HIVEP3: variants seen among roughly 807,000 people sequenced by gnomAD.
HIVEP3 encodes the protein HIVEP zinc finger 3.
A neutral mutation model predicts 152.8 loss-of-function variants in HIVEP3; 49 were observed. The ratio of observed to expected loss-of-function variants is 0.32; its 90% confidence interval spans 0.26 to 0.41. The LOEUF is 0.41. Among genes scored for constraint, HIVEP3 ranks in the 10% least tolerant of loss-of-function variants. The probability of loss-of-function intolerance (pLI) is 1.00; values close to 1 mark genes in which losing one functional copy is unlikely to be tolerated. For missense variants in HIVEP3, 2,790 were observed against 3,103.3 expected, an observed-to-expected ratio of 0.90 and a Z score of 2.40; for synonymous variants, 1,269 against 1,289.0, an observed-to-expected ratio of 0.98 and a Z score of 0.33.
intron 3 of HIVEP3, among the ~76,000 whole-genome samples, chr1:41,616,352 T>C (rs763850741): frequency 3.9e-5 from 6 of 152,156 alleles, no homozygotes; most frequent in Non-Finnish European, 7.4e-5. Context: ...AAAGGACGTG[T>C]CTTGGCATGT....
At chr1:41,783,526 A>G (rs1367046282) in intron 1 of HIVEP3, among the ~76,000 whole-genome samples, 1 of 152,092 alleles carries the variant, frequency 6.6e-6, no homozygotes, top group African/African-American at 2.4e-5. Flanking sequence ...GGGTGATGGG[A>G]GGGATGCGGG....
intron 2 of HIVEP3, among the ~76,000 whole-genome samples, chr1:41,639,716 C>T (rs1040124272): frequency 3.3e-5 from 5 of 152,170 alleles, no homozygotes; most frequent in Admixed American, 2.0e-4. Flanking sequence ...CAGCGGAGTG[C>T]GCTCTAGTCT....
At chr1:41,922,972 G>T (rs1414543490), upstream of HIVEP3, among the ~76,000 whole-genome samples, 1 of 151,966 alleles carries the variant, frequency 6.6e-6, no homozygotes, top group Non-Finnish European at 1.5e-5. Flanking sequence ...TGAAATAGAT[G>T]ATGACAAAAC....
chr1:41,521,806 C>T (rs371663602), intron 6 of HIVEP3, among the ~76,000 whole-genome samples: 12 of 152,258 alleles, frequency 7.9e-5, no homozygotes, highest in African/African-American at 2.9e-4. Context: ...GTCCCTGCCC[C>T]TGCCGCTGGC....
At chr1:41,751,077 G>A (rs1380627781) in intron 1 of HIVEP3, among the ~76,000 whole-genome samples, 6 of 152,108 alleles carry the variant, frequency 3.9e-5, no homozygotes, top group South Asian at 4.1e-4. Flanking sequence ...TGTTAAACCC[G>A]AAGTTCATGT....
chr1:41,620,798 A>C (rs1645036491), intron 3 of HIVEP3, among the ~76,000 whole-genome samples: 1 of 151,272 alleles, frequency 6.6e-6, no homozygotes, highest in African/African-American at 2.4e-5. Context: ...CTCACCCTCC[A>C]CTCCTACCCT....
At chr1:41,523,089 G>A (rs962087654) in intron 6 of HIVEP3, among the ~76,000 whole-genome samples, 1 of 152,260 alleles carries the variant, frequency 6.6e-6, no homozygotes, top group Non-Finnish European at 1.5e-5. Context: ...GGACTTGGGT[G>A]ATAAGTTTTC....
At chr1:41,666,734 C>T (rs1641505634) in intron 2 of HIVEP3, among the ~76,000 whole-genome samples, 4 of 152,170 alleles carry the variant, frequency 2.6e-5, no homozygotes, top group African/African-American at 4.8e-5. Flanking sequence ...CCGTGCCCAG[C>T]TTACCCCTGC....
At chr1:41,915,988 G>A (rs1644865214) in intron 1 of HIVEP3, among the ~76,000 whole-genome samples, 1 of 152,160 alleles carries the variant, frequency 6.6e-6, no homozygotes, top group Non-Finnish European at 1.5e-5. Flanking sequence ...GCAAAAAAGA[G>A]CCTTAAAGAC....
chr1:41,598,054 T>A (rs539442188), intron 3 of HIVEP3, among the ~76,000 whole-genome samples: 1 of 152,248 alleles, frequency 6.6e-6, no homozygotes, highest in Non-Finnish European at 1.5e-5. Context: ...TGGGCATCTA[T>A]GAACTTAACT....
intron 2 of HIVEP3, among the ~76,000 whole-genome samples, chr1:41,633,514 T>C (rs1645226613): frequency 6.6e-6 from 1 of 152,112 alleles, no homozygotes; most frequent in African/African-American, 2.4e-5. Flanking sequence ...GAGCAGAAAG[T>C]ACCTCCCCAC....
intron 5 of HIVEP3, 61 bp from the exon 6 acceptor site, chr1:41,524,971 C>A: frequency 1.4e-6 from 2 of 1,473,824 alleles, no homozygotes; most frequent in South Asian, 2.4e-5. Flanking sequence ...GTTCCCACCT[C>A]AGAAGACGCA....
chr1:41,711,520 G>A (rs546608294), intron 1 of HIVEP3, among the ~76,000 whole-genome samples: 2 of 152,346 alleles, frequency 1.3e-5, no homozygotes, highest in East Asian at 3.9e-4. Flanking sequence ...GCAAGTTTGA[G>A]GAAGTTCCAT....
At chr1:41,754,186 C>T (rs139211076) in intron 1 of HIVEP3, among the ~76,000 whole-genome samples, 61 of 152,302 alleles carry the variant, frequency 4.0e-4, no homozygotes, top group African/African-American at 1.4e-3. Flanking sequence ...TGGGACCTGG[C>T]CATCAGGGTC....
intron 1 of HIVEP3, among the ~76,000 whole-genome samples, chr1:41,731,216 G>C (rs1646834100): frequency 6.6e-6 from 1 of 152,142 alleles, no homozygotes; most frequent in Non-Finnish European, 1.5e-5. Context: ...TTGAGAGACA[G>C]AGGTGCTGGG....
At chr1:41,849,815 C>T (rs1412353273) in intron 1 of HIVEP3, among the ~76,000 whole-genome samples, 3 of 151,978 alleles carry the variant, frequency 2.0e-5, no homozygotes, top group Non-Finnish European at 4.4e-5. Context: ...CTCACCCTCC[C>T]GAGTATCTGG....
chr1:41,838,860 C>T (rs188113200), intron 1 of HIVEP3, among the ~76,000 whole-genome samples: 4 of 152,142 alleles, frequency 2.6e-5, no homozygotes, highest in Non-Finnish European at 4.4e-5. Context: ...AGTCAGTCTG[C>T]GAAACAACAA....
At chr1:41,904,579 G>A (rs1257506512) in intron 1 of HIVEP3, among the ~76,000 whole-genome samples, 1 of 152,146 alleles carries the variant, frequency 6.6e-6, no homozygotes, top group Non-Finnish European at 1.5e-5. Flanking sequence ...CCGTGATATG[G>A]TACCATTTGG....
At chr1:41,999,659 A>G (rs1275221432) in intron 1 of HIVEP3, among the ~76,000 whole-genome samples, 2 of 152,212 alleles carry the variant, frequency 1.3e-5, no homozygotes, top group African/African-American at 4.8e-5. Flanking sequence ...AGCAAGATCA[A>G]AGATGATTGC....
Sources: gnomAD v4.1 joint callset for allele counts (sites outside exome capture counted in the v4.1 genomes callset) on GRCh38, gnomAD v4.1.1 for gene constraint, MANE v1.5 for transcripts, NCBI Gene and HGNC (gene_info 2026-07-23, HGNC 2026-07-21) for gene names.